Variants in PRKCZ observed in about 807,000 individuals in gnomAD.
PRKCZ encodes the protein protein kinase C zeta type.
PRKCZ carries 33 observed loss-of-function variants against 79.5 expected under a neutral mutation model. The observed-to-expected ratio is 0.41, with a 90% CI of 0.31 to 0.55. The LOEUF (loss-of-function observed/expected upper bound fraction) is 0.55, where lower values mean the gene tolerates loss of function less well. Among genes scored for constraint, PRKCZ ranks in the 20% least tolerant of loss-of-function variants. The pLI is 0.19. For synonymous variants in PRKCZ, 342 were observed against 320.9 expected (o/e 1.07, Z -0.70); for missense variants, 578 against 813.5 (o/e 0.71, Z 3.52).
In PRKCZ at chr1:2,075,973, C is replaced by T. The variant is rs1662335705; in HGVS notation, c.334+16382C>T. 1.3e-5 allele frequency among the ~76,000 whole-genome samples: 2 copies of T among 152,224 alleles called. No individual in the cohort carries two copies. The highest frequency in any genetic ancestry group is 2.4e-5 in the African/African-American group (1 of 41,456). On this transcript the variant is annotated intron_variant, in intron 4 of 17. Transcript: ENST00000378567. This position sits in a 1 kb window ranked among gnomAD's most constrained non-coding sequence, Gnocchi z 4.8. ...GTTGAACTGTTGGGGGGCGGGAGGA[C>T]CATCCATGGGGTCAGGCACCAACCT...
chr1:2,117,392 T>C (rs578230389), intron 4 of PRKCZ, among the ~76,000 whole-genome samples: 2 of 152,254 alleles, frequency 1.3e-5, no homozygotes, highest in East Asian at 1.9e-4. Flanking sequence ...TCTTTTTGTT[T>C]ATAGCAATGT....
intron 4 of PRKCZ, among the ~76,000 whole-genome samples, chr1:2,132,245 T>G (rs1675126095): frequency 6.6e-6 from 1 of 152,262 alleles, no homozygotes; most frequent in Non-Finnish European, 1.5e-5. Context: ...GAGGTGGGCT[T>G]CGCACTGGCT....
intron 4 of PRKCZ, among the ~76,000 whole-genome samples, chr1:2,129,060 G>T (rs568666020): frequency 1.2e-4 from 18 of 152,130 alleles, no homozygotes; most frequent in Non-Finnish European, 2.1e-4. Flanking sequence ...GGTGGGGACC[G>T]CCAGGTCCCC....
intron 4 of PRKCZ, among the ~76,000 whole-genome samples, chr1:2,124,494 T>C (rs898995816): frequency 4.6e-5 from 7 of 151,996 alleles, no homozygotes; most frequent in Admixed American, 4.6e-4. Context: ...GAGGTTGTGC[T>C]GCGCCTGTGC....
intron 1 of PRKCZ, among the ~76,000 whole-genome samples, chr1:2,054,366 C>T (rs1441305396): frequency 6.6e-6 from 1 of 152,122 alleles, no homozygotes; most frequent in Non-Finnish European, 1.5e-5. Context: ...CAGCTGGGCC[C>T]TGTGGTGGTC....
At chr1:2,162,695 AC>A (rs1428010885) in intron 10 of PRKCZ, among the ~76,000 whole-genome samples, 1 of 151,768 alleles carries the variant, frequency 6.6e-6, no homozygotes, top group African/African-American at 2.4e-5. Flanking sequence ...CGATTCTCCC[AC>A]CTCAGCTTCC....
At chr1:2,176,401 C>T (rs906287456) in intron 16 of PRKCZ, among the ~76,000 whole-genome samples, 3 of 151,902 alleles carry the variant, frequency 2.0e-5, no homozygotes, top group Admixed American at 6.6e-5. Flanking sequence ...GCCGCTCGGT[C>T]GTGGGTTCTG....
intron 4 of PRKCZ, among the ~76,000 whole-genome samples, chr1:2,069,577 A>G (rs1661400317): frequency 6.6e-6 from 1 of 152,210 alleles, no homozygotes; most frequent in Non-Finnish European, 1.5e-5. Context: ...CTCAAAGGAC[A>G]GTAGGTGGAC....
chr1:2,096,428 A>T (rs1666526093), intron 4 of PRKCZ, among the ~76,000 whole-genome samples: 1 of 151,868 alleles, frequency 6.6e-6, no homozygotes, highest in Admixed American at 6.6e-5. Flanking sequence ...CTCTGGGCAG[A>T]GTTTCCCCAG....
intron 4 of PRKCZ, among the ~76,000 whole-genome samples, chr1:2,084,512 C>CGGCT (rs557940978): frequency 9.6e-4 from 146 of 152,346 alleles, no homozygotes; most frequent in African/African-American, 3.4e-3. Flanking sequence ...CGCGGCCGGC[C>CGGCT]GGCTCACAGA....
chr1:2,147,001 G>A (rs1409073430), intron 7 of PRKCZ, among the ~76,000 whole-genome samples: 2 of 151,158 alleles, frequency 1.3e-5, no homozygotes, highest in African/African-American at 4.9e-5. Context: ...CATCCATCTC[G>A]TCATCCAGCC....
rs60948256 is a variant in PRKCZ at position 2,062,389 on chromosome 1, T to C, written c.334+2798T>C. 0.011 allele frequency among the ~76,000 whole-genome samples: 1,642 copies of C among 152,158 alleles called. 135 individuals are homozygous for C. In the East Asian group the frequency reaches 0.21, roughly 19 times the overall value. The stretch of plus-strand genomic sequence containing the variant: ...TAGTGGCTTTCACCCGCCTGACCTT[T>C]CCAAGGTTCATCCATGATGGGGCAT... On this transcript the variant is annotated intron_variant, in intron 4 of 17. Transcript: ENST00000378567.
intron 4 of PRKCZ, among the ~76,000 whole-genome samples, chr1:2,111,056 T>A (rs1161752125): frequency 1.3e-5 from 2 of 151,650 alleles, no homozygotes; most frequent in Non-Finnish European, 2.9e-5. Flanking sequence ...CATGGCGAGG[T>A]AAGGGCTCAG....
chr1:2,089,192 G>C (rs1665051658), intron 4 of PRKCZ, among the ~76,000 whole-genome samples: 1 of 151,180 alleles, frequency 6.6e-6, no homozygotes, highest in Admixed American at 6.6e-5. Context: ...CCCTGTTCGC[G>C]AGGTCCCTGG....
intron 4 of PRKCZ, among the ~76,000 whole-genome samples, chr1:2,061,994 G>C (rs1368810051): frequency 1.3e-5 from 2 of 152,196 alleles, no homozygotes; most frequent in Non-Finnish European, 2.9e-5. Context: ...GTCGGACTGG[G>C]AGGTGTGTAC....
intron 4 of PRKCZ, chr1:2,073,747 A>G: frequency 1.0e-6 from 1 of 1,002,066 alleles, no homozygotes; most frequent in Non-Finnish European, 1.2e-6. Flanking sequence ...GGGGCGGGGG[A>G]CAGGACAGCC....
intron 10 of PRKCZ, among the ~76,000 whole-genome samples, chr1:2,161,649 C>T (rs527732805): frequency 9.2e-5 from 14 of 152,302 alleles, no homozygotes; most frequent in African/African-American, 3.1e-4. Context: ...GGTCAGGGGG[C>T]AGGTGTCATT....
At chr1:2,176,231 G>A (rs1463877082) in intron 16 of PRKCZ, among the ~76,000 whole-genome samples, 2 of 152,192 alleles carry the variant, frequency 1.3e-5, no homozygotes, top group East Asian at 1.9e-4. Flanking sequence ...AGCGGGCCAC[G>A]TGATCAGGAG....
chr1:2,110,991 C>T (rs1669636180), intron 4 of PRKCZ, among the ~76,000 whole-genome samples: 1 of 152,112 alleles, frequency 6.6e-6, no homozygotes. Context: ...ATCCTGAGCT[C>T]CCCCACCCTA....
Sources: gnomAD v4.1 joint callset for allele counts (sites outside exome capture counted in the v4.1 genomes callset) on GRCh38, gnomAD v4.1.1 for gene constraint, Gnocchi (gnomAD v3.1) non-coding constraint, MANE v1.5 for transcripts, NCBI Gene and HGNC (gene_info 2026-07-23, HGNC 2026-07-21) for gene names.